CTBP2: variants seen among roughly 807,000 people sequenced by gnomAD.
CTBP2 encodes C-terminal-binding protein 2.
CTBP2 carries 30 observed loss-of-function variants against 80.3 expected under a neutral mutation model. The observed-to-expected ratio is 0.37, with a 90% CI of 0.28 to 0.51. The LOEUF is 0.51. Among genes scored for constraint, CTBP2 ranks in the 20% least tolerant of loss-of-function variants. The pLI is 0.93. For synonymous variants in CTBP2, 594 were observed against 587.4 expected (o/e 1.01, Z -0.16); for missense variants, 1,212 against 1,375.3 (o/e 0.88, Z 1.88).
At chr10:125,117,024 C>T (rs1045025538) in intron 1 of CTBP2, among the ~76,000 whole-genome samples, 16 of 152,170 alleles carry the variant, frequency 1.1e-4, no homozygotes, top group African/African-American at 3.6e-4. Flanking sequence ...TCCTTTCCTG[C>T]GTACCACAGT....
In CTBP2 at chr10:124,987,676, G is replaced by C. The variant is rs145920441; in HGVS notation, c.*1842C>G. 1 of 152,178 alleles carries C rather than the reference G, an allele frequency of 6.6e-6. No individual in the cohort carries two copies. Among genetic ancestry groups the C allele is most frequent in the South Asian group, 2.1e-4 (1 of 4,834 alleles). 9.4% of individuals were successfully genotyped at this position (152,178 alleles called of 1,614,324 possible). Reference sequence around the variant, plus strand: ...TGTGTTAATAGACACTTTTATGGTAGAGTTGGGATGGGGCCACCACCTTAA... The same window carrying C: ...TGTGTTAATAGACACTTTTATGGTACAGTTGGGATGGGGCCACCACCTTAA... On this transcript the variant is annotated 3_prime_UTR_variant, in exon 9 of 9. Coordinates refer to ENST00000309035, the MANE Select transcript of CTBP2 (RefSeq NM_022802.3).
At chr10:125,048,857 G>A (rs370469765) in intron 2 of CTBP2, among the ~76,000 whole-genome samples, 24 of 152,212 alleles carry the variant, frequency 1.6e-4, no homozygotes, top group African/African-American at 5.5e-4. Flanking sequence ...TGATCAACAG[G>A]CTCAATTTGA....
chr10:125,073,268 C>A (rs4021186), intron 2 of CTBP2, among the ~76,000 whole-genome samples: 93,460 of 152,054 alleles, frequency 0.61, 28,851 homozygotes, highest in Middle Eastern at 0.71. Flanking sequence ...ATGGAGTCTC[C>A]CTCTGTCGCC....
intron 2 of CTBP2, among the ~76,000 whole-genome samples, chr10:125,073,210 A>C (rs1564853026): frequency 6.6e-6 from 1 of 152,194 alleles, no homozygotes; most frequent in African/African-American, 2.4e-5. Flanking sequence ...AAGCTCAAAA[A>C]CACGATGAGA....
intron 2 of CTBP2, among the ~76,000 whole-genome samples, chr10:125,051,889 A>G (rs765687354): frequency 9.9e-5 from 15 of 152,208 alleles, no homozygotes; most frequent in Non-Finnish European, 1.3e-4. Flanking sequence ...ACAGTTGGAC[A>G]CTTAGACACA....
intron 3 of CTBP2, among the ~76,000 whole-genome samples, chr10:125,036,676 T>C (rs1411953805): frequency 2.5e-5 from 1 of 39,562 alleles, no homozygotes; most frequent in South Asian, 9.5e-4. Context: ...GGGGTGTGTG[T>C]GTGTGTGTGT....
intron 1 of CTBP2, among the ~76,000 whole-genome samples, chr10:125,116,866 G>A (rs74163340): frequency 0.092 from 14,028 of 152,284 alleles, 851 homozygotes; most frequent in African/African-American, 0.16. Context: ...GCAAAATCTT[G>A]TCAAGAAGCC....
At chr10:125,109,268 G>A (rs541969068) in intron 2 of CTBP2, among the ~76,000 whole-genome samples, 107 of 152,356 alleles carry the variant, frequency 7.0e-4, no homozygotes, top group African/African-American at 2.5e-3. Context: ...GGCAGGCAGG[G>A]CCTGGTACTT....
intron 1 of CTBP2, among the ~76,000 whole-genome samples, chr10:125,114,855 C>G (rs895398676): frequency 6.6e-6 from 1 of 150,950 alleles, no homozygotes; most frequent in Non-Finnish European, 1.5e-5. Flanking sequence ...GCCTGGCCCC[C>G]CCATGCCGCC....
intron 1 of CTBP2, among the ~76,000 whole-genome samples, chr10:125,119,963 T>C (rs967208290): frequency 5.3e-5 from 8 of 152,238 alleles, no homozygotes; most frequent in Admixed American, 3.3e-4. Flanking sequence ...GTGGCTGCTG[T>C]ACTACAAAGG....
chr10:125,079,907 T>G (rs959506571), intron 2 of CTBP2, among the ~76,000 whole-genome samples: 4 of 152,230 alleles, frequency 2.6e-5, no homozygotes, highest in Admixed American at 2.6e-4. Context: ...AAGTACTTAC[T>G]TACAAGCTTT....
chr10:125,126,924 T>TTCTC lies in CTBP2; in HGVS notation c.-205-15835_-205-15832dup, dbSNP rs67378138. Among the ~76,000 whole-genome samples the TTCTC allele has an allele frequency of 8.8e-3, 1,216 of 138,612 alleles. 18 individuals carry two copies. The highest frequency in any genetic ancestry group is 0.027 in the African/African-American group (1,026 of 38,434). The allele number at this position is 138,612 out of a possible 152,430, so 90.9% of individuals were successfully genotyped here. Reference sequence around the variant, plus strand: ...CCACACACGTGCATACACACACACATTCTCTCTCTCTCTCTCTCTCTCTCT... The same window carrying TTCTC: ...CCACACACGTGCATACACACACACATTCTCTCTCTCTCTCTCTCTCTCTCTCTCT... On this transcript the variant is annotated intron_variant, in intron 1 of 10. Transcript: ENST00000337195.
At chr10:125,069,647 C>T (rs920322844) in intron 2 of CTBP2, among the ~76,000 whole-genome samples, 13 of 152,232 alleles carry the variant, frequency 8.5e-5, no homozygotes, top group East Asian at 3.9e-4. Flanking sequence ...AAATTACTGG[C>T]TGAAAGTTTC....
At chr10:125,159,669 C>T (rs1861602620) in intron 1 of CTBP2, among the ~76,000 whole-genome samples, 3 of 149,900 alleles carry the variant, frequency 2.0e-5, no homozygotes, top group Non-Finnish European at 4.5e-5. Context: ...GACCGAGAGC[C>T]GCTCACGCCC....
intron 2 of CTBP2, among the ~76,000 whole-genome samples, chr10:125,047,018 TTAAG>T (rs1961427650): frequency 6.6e-6 from 1 of 152,242 alleles, no homozygotes; most frequent in Non-Finnish European, 1.5e-5. Context: ...ATAATGGAAA[TTAAG>T]TGTTGGTCTT....
chr10:125,114,240 C>G (rs1386503686), intron 1 of CTBP2, among the ~76,000 whole-genome samples: 1 of 152,204 alleles, frequency 6.6e-6, no homozygotes, highest in Non-Finnish European at 1.5e-5. Context: ...ATGCCCACCC[C>G]CTCCAAGTTC....
intron 1 of CTBP2, among the ~76,000 whole-genome samples, chr10:125,114,903 A>T (rs1852958912): frequency 1.3e-5 from 2 of 151,228 alleles, no homozygotes; most frequent in Non-Finnish European, 2.9e-5. Flanking sequence ...GTGCCCGCTT[A>T]CCTACGCTTT....
At chr10:125,160,746 C>G (rs1861809318), upstream of CTBP2, 1 of 124,954 alleles carries the variant, frequency 8.0e-6, no homozygotes. Context: ...CCCCCCGCGT[C>G]CCGGCCCCGC....
At position 124,995,590 on chromosome 10, in the gene CTBP2, G is replaced by A. The variant is rs115763508; in HGVS notation, c.2186-907C>T. On this transcript the variant is annotated intron_variant, in intron 4 of 8. Coordinates refer to ENST00000309035, the MANE Select transcript of CTBP2 (RefSeq NM_022802.3). ...TGTGTTCCAGGGGTACCTCAATGCT[G>A]GATGGCTCCTCCTGCAGCAGCTCCA... 2.6e-3 allele frequency among the ~76,000 whole-genome samples: 396 copies of A among 152,312 alleles called. 3 individuals are homozygous for A. Among genetic ancestry groups the A allele is most frequent in the African/African-American group, 8.3e-3 (346 of 41,564 alleles).
Sources: allele counts gnomAD v4.1 joint callset (sites outside exome capture counted in the v4.1 genomes callset), GRCh38; gene constraint gnomAD v4.1.1; transcripts MANE v1.5; gene names NCBI Gene and HGNC (gene_info 2026-07-23, HGNC 2026-07-21).